Variants in SLC25A26 observed in about 807,000 individuals in gnomAD.
SLC25A26 encodes the protein mitochondrial S-adenosylmethionine carrier protein.
A neutral mutation model predicts 37.8 loss-of-function variants in SLC25A26; 36 were observed. The observed-to-expected ratio is 0.95, with a 90% CI of 0.73 to 1.26. The LOEUF (loss-of-function observed/expected upper bound fraction) is 1.26, where lower values mean the gene tolerates loss of function less well. SLC25A26 is among the 50% of genes most tolerant of loss of function. The pLI is 0.00. For missense variants in SLC25A26, 390 were observed against 331.1 expected (o/e 1.18, Z -1.38); for synonymous variants, 129 against 122.5 (o/e 1.05, Z -0.35).
At position 66,190,398 on chromosome 3, in the gene SLC25A26, T is replaced by C. The variant is rs969953908; in HGVS notation, c.-353-30344T>C. ...TTATTGATTTGCCTCAGGTAAAGCA[T>C]AGGTTAATGCTAACAGTTAAGAATT... On this transcript the variant is annotated intron_variant, in intron 1 of 10. Coordinates refer to the SLC25A26 transcript ENST00000676754. 7.1e-4 allele frequency among the ~76,000 whole-genome samples: 108 copies of C among 152,204 alleles called. No homozygotes were observed. In the South Asian group the frequency reaches 0.011, roughly 16 times the overall value.
At chr3:66,342,330 C>G (rs558842140) in intron 5 of SLC25A26, among the ~76,000 whole-genome samples, 2 of 152,208 alleles carry the variant, frequency 1.3e-5, no homozygotes, top group East Asian at 3.9e-4. Context: ...GATGGCCTTT[C>G]TTGGTCCTTA....
chr3:66,248,662 C>G (rs1331293656), intron 3 of SLC25A26, among the ~76,000 whole-genome samples: 1 of 152,118 alleles, frequency 6.6e-6, no homozygotes. Flanking sequence ...TGTACATGTC[C>G]TCATACACTT....
intron 5 of SLC25A26, among the ~76,000 whole-genome samples, chr3:66,270,377 T>G (rs752555256): frequency 1.3e-5 from 2 of 152,220 alleles, no homozygotes; most frequent in Admixed American, 6.5e-5. Flanking sequence ...TGCAAACATA[T>G]TGAACCCTAT....
chr3:66,329,233 A>G (rs992539940), intron 5 of SLC25A26, among the ~76,000 whole-genome samples: 1 of 152,188 alleles, frequency 6.6e-6, no homozygotes, highest in Non-Finnish European at 1.5e-5. Flanking sequence ...TTTAATTTGC[A>G]TGCATACCAT....
Position 66,275,996 on chromosome 3 carries a change from T to C in SLC25A26, c.453+12617T>C, listed in dbSNP as rs2074131371. ...ATATGGAGTATTAAGAGACTATATATGTAAGAAAACTAAATTTGAAGGTCA... is the reference window on the plus strand; with the variant it reads ...ATATGGAGTATTAAGAGACTATATACGTAAGAAAACTAAATTTGAAGGTCA... On this transcript the variant is annotated intron_variant, in intron 5 of 9. Coordinates refer to ENST00000354883, the MANE Select transcript of SLC25A26 (RefSeq NM_001379210.1). Among the ~76,000 whole-genome samples the C allele has an allele frequency of 2.0e-5, 3 of 152,080 alleles. No individual in the cohort carries two copies. The South Asian group carries it at 6.2e-4, about 31-fold the overall frequency.
Position 66,189,318 on chromosome 3 carries a change from C to G in SLC25A26, c.-353-31424C>G, listed in dbSNP as rs1052437822. 4.5e-3 allele frequency among the ~76,000 whole-genome samples: 684 copies of G among 152,112 alleles called. 5 individuals carry two copies. The highest frequency in any genetic ancestry group is 0.016 in the African/African-American group (645 of 41,494). ...CCTATCACTAACCCCCTCACTGACC[C>G]TGACCCCCAACTTGATCCCCAAATA... On this transcript the variant is annotated intron_variant, in intron 1 of 10. Coordinates refer to the SLC25A26 transcript ENST00000676754.
intron 5 of SLC25A26, among the ~76,000 whole-genome samples, chr3:66,301,791 G>A (rs1199810592): frequency 1.3e-5 from 2 of 152,114 alleles, no homozygotes; most frequent in Non-Finnish European, 2.9e-5. Context: ...GAATTGTGAC[G>A]GGGGTAATTA....
intron 6 of SLC25A26, among the ~76,000 whole-genome samples, chr3:66,360,289 T>C (rs577770961): frequency 1.8e-4 from 27 of 152,312 alleles, no homozygotes; most frequent in African/African-American, 1.9e-4. Context: ...CATTATACTT[T>C]TCTAACCATT....
At chr3:66,355,985 T>C in intron 6 of SLC25A26, 1 of 455,426 alleles carries the variant, frequency 2.2e-6, no homozygotes, top group Non-Finnish European at 4.4e-6. Context: ...ATACTTATTT[T>C]ACTACATGTA....
intron 1 of SLC25A26, among the ~76,000 whole-genome samples, chr3:66,158,954 G>C (rs140415374): frequency 1.3e-3 from 193 of 152,168 alleles, no homozygotes; most frequent in African/African-American, 4.6e-3. Context: ...CCATACTGTG[G>C]GACAGCATGC....
chr3:66,280,308 A>C (rs1444477697), intron 5 of SLC25A26, among the ~76,000 whole-genome samples: 1 of 152,146 alleles, frequency 6.6e-6, no homozygotes, highest in Non-Finnish European at 1.5e-5. Context: ...TACTTTTCAT[A>C]TATATTTTTT....
intron 1 of SLC25A26, among the ~76,000 whole-genome samples, chr3:66,143,773 A>G (rs1194603630): frequency 3.9e-5 from 6 of 152,174 alleles, no homozygotes; most frequent in Non-Finnish European, 8.8e-5. Context: ...AGTCCCAGCT[A>G]TTCAGGCTGA....
intron 5 of SLC25A26, among the ~76,000 whole-genome samples, chr3:66,325,752 G>A (rs914349851): frequency 6.6e-6 from 1 of 152,178 alleles, no homozygotes; most frequent in African/African-American, 2.4e-5. Context: ...ATGAGCCAGC[G>A]CATGCAGGGC....
chr3:66,173,668 G>A (rs1189775689), intron 1 of SLC25A26, among the ~76,000 whole-genome samples: 1 of 152,174 alleles, frequency 6.6e-6, no homozygotes, highest in African/African-American at 2.4e-5. Flanking sequence ...AATTGCCTTT[G>A]GTTAAAATGG....
At chr3:66,176,295 A>G (rs2070585905) in intron 1 of SLC25A26, among the ~76,000 whole-genome samples, 1 of 152,336 alleles carries the variant, frequency 6.6e-6, no homozygotes, top group East Asian at 1.9e-4. Context: ...GGTGTCTTCC[A>G]TCGAAACTAA....
intron 5 of SLC25A26, among the ~76,000 whole-genome samples, chr3:66,336,034 A>G (rs2076086542): frequency 6.6e-6 from 1 of 152,158 alleles, no homozygotes; most frequent in South Asian, 2.1e-4. Context: ...ATTCTTTTCT[A>G]ATTGTAATTT....
chr3:66,207,202 C>A (rs1458297531), intron 1 of SLC25A26, among the ~76,000 whole-genome samples: 1 of 152,100 alleles, frequency 6.6e-6, no homozygotes, highest in Non-Finnish European at 1.5e-5. Flanking sequence ...GCCTCACCTA[C>A]GTAAGTCATG....
intron 9 of SLC25A26, among the ~76,000 whole-genome samples, chr3:66,372,331 C>T (rs1700392913): frequency 6.6e-6 from 1 of 152,164 alleles, no homozygotes; most frequent in Admixed American, 6.5e-5. Flanking sequence ...TTTCTGGAGA[C>T]AGTGGTGGCA....
intron 3 of SLC25A26, among the ~76,000 whole-genome samples, chr3:66,250,467 A>G (rs2073038546): frequency 6.6e-6 from 1 of 152,198 alleles, no homozygotes; most frequent in African/African-American, 2.4e-5. Context: ...TAGAAACTGT[A>G]TTTCAGATTT....
Sources: gnomAD v4.1 joint callset for allele counts (sites outside exome capture counted in the v4.1 genomes callset) on GRCh38, gnomAD v4.1.1 for gene constraint, MANE v1.5 for transcripts, NCBI Gene and HGNC (gene_info 2026-07-23, HGNC 2026-07-21) for gene names.